The following CNTN5 variants were observed in gnomAD, a reference collection of about 807,000 sequenced individuals.
The protein encoded by CNTN5 is contactin 5.
CNTN5 carries 77 observed loss-of-function variants against 129.1 expected under a neutral mutation model. The observed-to-expected ratio is 0.60, with a 90% confidence interval of 0.50 to 0.72. The LOEUF (loss-of-function observed/expected upper bound fraction) is 0.72, where lower values mean the gene tolerates loss of function less well. Among genes scored for constraint, CNTN5 ranks in the 30% least tolerant of loss-of-function variants. CNTN5 has a pLI of 0.00. For synonymous variants in CNTN5, 509 were observed against 465.6 expected (o/e 1.09, Z -1.20); for missense variants, 1,478 against 1,328.8 (o/e 1.11, Z -1.75).
At chr11:100,231,522 T>C (rs1225101420) in intron 16 of CNTN5, among the ~76,000 whole-genome samples, 1 of 152,128 alleles carries the variant, frequency 6.6e-6, no homozygotes, top group Admixed American at 6.5e-5. Context: ...ATACTCTAGT[T>C]AGTTAGACTA....
At chr11:99,242,854 A>C (rs1307412054) in intron 1 of CNTN5, among the ~76,000 whole-genome samples, 1 of 152,094 alleles carries the variant, frequency 6.6e-6, no homozygotes. Flanking sequence ...CATGGTGTAT[A>C]TGTACCATGT....
At chr11:99,421,134 A>T (rs1325746448) in intron 2 of CNTN5, among the ~76,000 whole-genome samples, 1 of 149,018 alleles carries the variant, frequency 6.7e-6, no homozygotes, top group African/African-American at 2.5e-5. Context: ...TTATTCATTG[A>T]GGTTTTTTTT....
chr11:99,318,095 C>G (rs1865421408), intron 1 of CNTN5, among the ~76,000 whole-genome samples: 1 of 152,072 alleles, frequency 6.6e-6, no homozygotes, highest in Non-Finnish European at 1.5e-5. Context: ...TTTTAAACAG[C>G]ATAAAAACCC....
intron 3 of CNTN5, among the ~76,000 whole-genome samples, chr11:99,585,499 A>AT (rs1949764271): frequency 1.3e-5 from 2 of 152,246 alleles, no homozygotes; most frequent in African/African-American, 4.8e-5. Flanking sequence ...TTATTTAAAA[A>AT]AATATATATA....
chr11:99,821,720 CT>C (rs1304394760), intron 4 of CNTN5, among the ~76,000 whole-genome samples: 1 of 152,004 alleles, frequency 6.6e-6, no homozygotes, highest in Non-Finnish European at 1.5e-5. Flanking sequence ...AGATAAAACC[CT>C]CATTAAAATA....
At chr11:99,791,906 T>C (rs1462203468) in intron 3 of CNTN5, among the ~76,000 whole-genome samples, 2 of 152,178 alleles carry the variant, frequency 1.3e-5, no homozygotes, top group Non-Finnish European at 2.9e-5. Context: ...GCTCTCAGAT[T>C]GGATCTTGTT....
At chr11:99,504,579 T>G (rs1227042469) in intron 2 of CNTN5, among the ~76,000 whole-genome samples, 1 of 151,596 alleles carries the variant, frequency 6.6e-6, no homozygotes, top group Non-Finnish European at 1.5e-5. Context: ...TAATTTTACA[T>G]TTGAGACACA....
At chr11:99,865,302 GA>G (rs1246988564) in intron 6 of CNTN5, among the ~76,000 whole-genome samples, 2 of 151,806 alleles carry the variant, frequency 1.3e-5, no homozygotes, top group Admixed American at 1.3e-4. Flanking sequence ...GAATTCTCAA[GA>G]ATAAAGAACA....
chr11:99,316,515 CATT>C (rs1256929119), intron 1 of CNTN5, among the ~76,000 whole-genome samples: 2 of 151,864 alleles, frequency 1.3e-5, no homozygotes, highest in African/African-American at 4.8e-5. Context: ...TGAAAATAAA[CATT>C]TAGGTGTTGT....
intron 2 of CNTN5, among the ~76,000 whole-genome samples, chr11:99,402,888 T>C (rs1317319272): frequency 6.6e-6 from 1 of 152,238 alleles, no homozygotes; most frequent in Non-Finnish European, 1.5e-5. Context: ...AATGATCCTT[T>C]GAATTCCTGT....
At chr11:99,563,971 A>G (rs933188295) in intron 3 of CNTN5, among the ~76,000 whole-genome samples, 1 of 152,240 alleles carries the variant, frequency 6.6e-6, no homozygotes, top group African/African-American at 2.4e-5. Flanking sequence ...CACATTATAC[A>G]GAGAGCACGT....
At chr11:99,309,867 C>T (rs769389213) in intron 1 of CNTN5, among the ~76,000 whole-genome samples, 1 of 151,732 alleles carries the variant, frequency 6.6e-6, no homozygotes, top group East Asian at 1.9e-4. Context: ...TATTGTACTG[C>T]GTGAAAGGCA....
chr11:99,960,188 C>A lies in CNTN5; in HGVS notation c.877+3179C>A, dbSNP rs1950905117. 2.0e-5 allele frequency among the ~76,000 whole-genome samples: 3 copies of A among 152,090 alleles called. No individual in the cohort carries two copies. In the South Asian group the frequency reaches 6.2e-4, roughly 31 times the overall value. ...TAAGTGTGCATAAGTTTCTTCCTTC[C>A]ATTTTAATATGCATTTTTAAGTTTA... is the stretch of plus-strand genomic sequence containing the variant. On this transcript the variant is annotated intron_variant, in intron 8 of 24. Transcript: ENST00000524871.
chr11:99,895,388 C>T (rs1949179119), intron 6 of CNTN5, among the ~76,000 whole-genome samples: 1 of 152,294 alleles, frequency 6.6e-6, no homozygotes, highest in South Asian at 2.1e-4. Context: ...GAGATATCTC[C>T]TCAAGAGACA....
intron 16 of CNTN5, among the ~76,000 whole-genome samples, chr11:100,237,190 A>C (rs74393309): frequency 4.1e-5 from 6 of 145,184 alleles, no homozygotes; most frequent in Admixed American, 6.8e-5. Context: ...CTCCGTCTCA[A>C]AAAAAAAAAA....
chr11:99,067,707 C>T, intron 1 of CNTN5, among the ~76,000 whole-genome samples: 1 of 152,156 alleles, frequency 6.6e-6, no homozygotes, highest in Admixed American at 6.6e-5. Context: ...ATTTCTGCCT[C>T]TGTAGAAGCA....
intron 3 of CNTN5, among the ~76,000 whole-genome samples, chr11:99,726,442 C>T (rs1020038353): frequency 6.6e-6 from 1 of 151,994 alleles, no homozygotes; most frequent in Non-Finnish European, 1.5e-5. Flanking sequence ...GATAGCTCAC[C>T]GAAATTACTA....
At chr11:99,875,613 T>C (rs570775660) in intron 6 of CNTN5, among the ~76,000 whole-genome samples, 1 of 152,272 alleles carries the variant, frequency 6.6e-6, no homozygotes, top group South Asian at 2.1e-4. Flanking sequence ...CTTCCTCAGA[T>C]ATACCTCCCT....
chr11:99,917,250 T>C (rs1949816246), intron 7 of CNTN5, among the ~76,000 whole-genome samples: 1 of 152,140 alleles, frequency 6.6e-6, no homozygotes, highest in Non-Finnish European at 1.5e-5. Flanking sequence ...GTTGTACCAC[T>C]CCAATTCCTG....
Sources: allele counts gnomAD v4.1 joint callset (sites outside exome capture counted in the v4.1 genomes callset), GRCh38; gene constraint gnomAD v4.1.1; transcripts MANE v1.5; gene names NCBI Gene and HGNC (gene_info 2026-07-23, HGNC 2026-07-21).